SCARB1: variants seen among roughly 807,000 people sequenced by gnomAD.
SCARB1 encodes scavenger receptor class B member 1.
Under a neutral mutation model 57.2 loss-of-function variants are expected in SCARB1, and 30 were observed. That is an observed-to-expected ratio of 0.52 (90% confidence interval 0.39 to 0.71). The LOEUF (loss-of-function observed/expected upper bound fraction) is 0.71, where lower values mean the gene tolerates loss of function less well. Ranked by LOEUF, SCARB1 falls within the 30% of genes least tolerant of loss-of-function variation. The probability of loss-of-function intolerance (pLI) is 0.00; values close to 1 mark genes in which losing one functional copy is unlikely to be tolerated. For missense variants in SCARB1, 543 were observed against 671.2 expected, an observed-to-expected ratio of 0.81 and a Z score of 2.11; for synonymous variants, 249 against 268.3, an observed-to-expected ratio of 0.93 and a Z score of 0.70.
At chr12:124,805,486 G>T (rs923297554) in intron 7 of SCARB1, among the ~76,000 whole-genome samples, 5 of 152,186 alleles carry the variant, frequency 3.3e-5, no homozygotes, top group African/African-American at 1.2e-4. Flanking sequence ...ATCCTGCAGG[G>T]CCCAGGGCCA....
Position 124,782,673 on chromosome 12 carries a change from T to C in SCARB1, c.*10A>G. On this transcript the variant is annotated intron_variant, in intron 12 of 12. Coordinates refer to ENST00000261693, the MANE Select transcript of SCARB1 (RefSeq NM_005505.5). ...GGGCGGGGAGGCGCACGGCATTACC[T>C]GGTACCCACCTACAGTTTTGCTTCC... 1 of 1,613,840 alleles carries C rather than the reference T, an allele frequency of 6.2e-7. No individual in the cohort carries two copies. The highest frequency in any genetic ancestry group is 8.5e-7 in the Non-Finnish European group (1 of 1,179,896).
At chr12:124,830,148 G>C (rs1461565340) in intron 1 of SCARB1, among the ~76,000 whole-genome samples, 1 of 152,212 alleles carries the variant, frequency 6.6e-6, no homozygotes. Flanking sequence ...CTCACAGTGA[G>C]ATCCCATGCC....
rs112494491 is a variant in SCARB1, at chr12:124,809,898, G to GC, written c.842+275dup. Reference sequence around the variant, plus strand: ...GCCCACCTCTCGCCTCCATTTTATGGCCCCCTGTGACTTGACATGTCCTGC... The same window carrying GC: ...GCCCACCTCTCGCCTCCATTTTATGGCCCCCCTGTGACTTGACATGTCCTGC... On this transcript the variant is annotated intron_variant, in intron 6 of 12. Transcript: ENST00000261693. Among the ~76,000 whole-genome samples the GC allele has an allele frequency of 2.9e-3, 435 of 152,248 alleles. 3 individuals are homozygous for GC. The highest frequency in any genetic ancestry group is 9.9e-3 in the African/African-American group (413 of 41,538).
At chr12:124,792,766 A>G (rs1949778597) in intron 9 of SCARB1, among the ~76,000 whole-genome samples, 1 of 151,464 alleles carries the variant, frequency 6.6e-6, no homozygotes, top group South Asian at 2.1e-4. Context: ...TTACCTCCCA[A>G]TAAGTAAAAA....
At chr12:124,850,071 C>A (rs1952326499) in intron 1 of SCARB1, among the ~76,000 whole-genome samples, 2 of 117,772 alleles carry the variant, frequency 1.7e-5, no homozygotes, top group Admixed American at 1.6e-4. Context: ...CTCAAAAAAT[C>A]TAAATAAATA....
Position 124,796,509 on chromosome 12 carries a change from A to T in SCARB1, c.1129-1241T>A, listed in dbSNP as rs1048308090. Among the ~76,000 whole-genome samples, 1 of 152,194 alleles carries T rather than the reference A, an allele frequency of 6.6e-6. No individual in the cohort carries two copies. The highest frequency in any genetic ancestry group is 1.5e-5 in the Non-Finnish European group (1 of 68,034). On this transcript the variant is annotated intron_variant, in intron 8 of 12. Transcript: ENST00000261693. This position sits in a 1 kb window ranked among gnomAD's most constrained non-coding sequence, Gnocchi z 4.0. ...GAAATGATAGTGGAAATAAAACTAG[A>T]TTTGAGGTCAGAGAACTGCAGTTGG...
chr12:124,815,148 C>CCCGCT, intron 2 of SCARB1, 34 bp from the exon 3 acceptor site: 1 of 1,609,490 alleles, frequency 6.2e-7, no homozygotes, highest in South Asian at 1.1e-5. Context: ...GACGCCCCGC[C>CCCGCT]CCGCTGCATG....
At position 124,821,578 on chromosome 12, in the gene SCARB1, C is replaced by T. The variant is rs186080586; in HGVS notation, c.127-3871G>A. On this transcript the variant is annotated intron_variant, in intron 1 of 12. Coordinates refer to ENST00000261693, the MANE Select transcript of SCARB1 (RefSeq NM_005505.5). ...CCAAAGGGAATCTTCAGAGACCCAG[C>T]GCAGCCCTGTCCAACTGGGTGATCA... 28 of 983,148 alleles carry T rather than the reference C, an allele frequency of 2.8e-5. No individual in the cohort carries two copies. In the East Asian group the frequency reaches 3.4e-4, roughly 12 times the overall value. 60.9% of individuals were successfully genotyped at this position (983,148 alleles called of 1,614,324 possible). A position where few individuals can be genotyped will look rare whatever the true frequency, so the allele number is the denominator to read the frequency against.
chr12:124,843,549 T>C (rs1952002562), intron 1 of SCARB1, among the ~76,000 whole-genome samples: 1 of 152,158 alleles, frequency 6.6e-6, no homozygotes, highest in South Asian at 2.1e-4. Context: ...ATCTGAGGAT[T>C]GGGCACCTGC....
chr12:124,786,005 T>C lies in SCARB1; in HGVS notation c.1401+352A>G, dbSNP rs1949497661. On this transcript the variant is annotated intron_variant, in intron 11 of 12. Transcript: ENST00000261693. ...GAGCAGGGATCTCAGCTGTCTCCTC[T>C]ACTGCTGTACGTCCCCTCGCCCCTA... The C allele has an allele frequency of 3.5e-6, 5 of 1,432,094 alleles. No individual in the cohort carries two copies. The Admixed American group carries it at 9.0e-5, about 26-fold the overall frequency. The allele number at this position is 1,432,094 out of a possible 1,614,324, so 88.7% of individuals were successfully genotyped here. A position where few individuals can be genotyped will look rare whatever the true frequency, so the allele number is the denominator to read the frequency against.
intron 9 of SCARB1, among the ~76,000 whole-genome samples, chr12:124,794,187 T>A (rs953382338): frequency 2.0e-5 from 3 of 152,184 alleles, no homozygotes; most frequent in Non-Finnish European, 2.9e-5. Context: ...CTTTTGGGGA[T>A]GATGAAAATG....
rs12299797 is a variant in SCARB1, at chr12:124,815,304, T to C, written c.285-190A>G. On this transcript the variant is annotated intron_variant, in intron 2 of 12. Coordinates refer to ENST00000261693, the MANE Select transcript of SCARB1 (RefSeq NM_005505.5). ...CCCGCCGCCTGCCCACTGCAGGACA[T>C]GGTGTCGCCGCCCACCCGGCCTCGT... 5.6e-3 allele frequency among the ~76,000 whole-genome samples: 860 copies of C among 152,258 alleles called. 10 individuals carry two copies. Among genetic ancestry groups the C allele is most frequent in the African/African-American group, 0.019 (804 of 41,574 alleles).
chr12:124,792,313 T>C (rs1408520571), intron 9 of SCARB1, among the ~76,000 whole-genome samples: 2 of 152,090 alleles, frequency 1.3e-5, no homozygotes, highest in Non-Finnish European at 2.9e-5. Flanking sequence ...TTGAGACCAC[T>C]TTCCTGGAGT....
At chr12:124,778,646 T>TTCCCCCCCCC in intron 12 of SCARB1, 60 bp from the exon 13 acceptor site, 1 of 1,337,890 alleles carries the variant, frequency 7.5e-7, no homozygotes, top group Non-Finnish European at 9.6e-7. Flanking sequence ...CCCACCCTCA[T>TTCCCCCCCCC]CCCCGCCCAC....
intron 1 of SCARB1, among the ~76,000 whole-genome samples, chr12:124,818,295 G>T: frequency 6.6e-6 from 1 of 152,190 alleles, no homozygotes; most frequent in African/African-American, 2.4e-5. Context: ...ATTGGGGAGA[G>T]ACTGGGATTT....
chr12:124,809,213 C>T (rs1050956100), intron 6 of SCARB1, among the ~76,000 whole-genome samples: 2 of 152,016 alleles, frequency 1.3e-5, no homozygotes, highest in African/African-American at 2.4e-5. Context: ...GGGCTTAACA[C>T]GGCTAGTGAA....
At chr12:124,803,340 C>T (rs903425118) in intron 7 of SCARB1, among the ~76,000 whole-genome samples, 1 of 152,062 alleles carries the variant, frequency 6.6e-6, no homozygotes, top group Non-Finnish European at 1.5e-5. Flanking sequence ...GCACTTTGGG[C>T]GGGAGGATCA....
intron 1 of SCARB1, chr12:124,839,728 C>CTGTTTTCT (rs1951840493): frequency 2.3e-5 from 2 of 86,980 alleles, no homozygotes; most frequent in African/African-American, 9.8e-5. Flanking sequence ...CACCCTCACC[C>CTGTTTTCT]CAACGGCACA....
chr12:124,850,447 G>A (rs572047696), intron 1 of SCARB1, among the ~76,000 whole-genome samples: 2 of 152,130 alleles, frequency 1.3e-5, no homozygotes, highest in East Asian at 1.9e-4. Context: ...CGAGGTGGGC[G>A]GATCACCTGA....
Sources: allele counts gnomAD v4.1 joint callset (sites outside exome capture counted in the v4.1 genomes callset), GRCh38; gene constraint gnomAD v4.1.1; non-coding constraint Gnocchi (gnomAD v3.1); transcripts MANE v1.5; gene names NCBI Gene and HGNC (gene_info 2026-07-23, HGNC 2026-07-21).